Variants in ENOX2 observed in about 807,000 individuals in gnomAD.
ENOX2 encodes ecto-NOX disulfide-thiol exchanger 2.
In ENOX2, 36 loss-of-function variants were observed where a neutral mutation model predicts 45.0. The ratio of observed to expected loss-of-function variants is 0.80; its 90% CI spans 0.61 to 1.06. The LOEUF is 1.06. ENOX2 is among the 50% of genes least tolerant of loss of function. The pLI is 0.00. For missense variants in ENOX2, 423 were observed against 462.5 expected (o/e 0.91, Z 0.78); for synonymous variants, 174 against 152.3 (o/e 1.14, Z -1.05).
intron 9 of ENOX2, among the ~76,000 whole-genome samples, chrX:130,664,457 C>T (rs1018115168): frequency 2.8e-4 from 31 of 112,620 alleles, no homozygotes; most frequent in Non-Finnish European, 4.1e-4. Context: ...AACATTTTTA[C>T]GTTTCAGTTT....
intron 11 of ENOX2, among the ~76,000 whole-genome samples, chrX:130,635,354 T>C (rs1243786987): frequency 2.7e-5 from 3 of 112,174 alleles, no homozygotes; most frequent in African/African-American, 9.7e-5. Flanking sequence ...ACTTCTTCCC[T>C]ATTCTGGCCA....
At chrX:130,658,090 TA>T (rs1171669929) in intron 9 of ENOX2, among the ~76,000 whole-genome samples, 1 of 111,717 alleles carries the variant, frequency 9.0e-6, no homozygotes, top group East Asian at 2.8e-4. Context: ...AAGCATTCTT[TA>T]AAAAAAATCT....
rs1210539219 is a variant in ENOX2, at chrX:130,650,145, G to A, written c.1129+6436C>T. 9.8e-5 allele frequency among the ~76,000 whole-genome samples: 11 copies of A among 112,408 alleles called. No homozygotes were observed. The Admixed American group carries it at 1.0e-3, about 11-fold the overall frequency. ...ACTGCAGGCCAGTAATTATGCTCAT[G>A]TTCTACATGTCACACGGAGATACAT... On this transcript the variant is annotated intron_variant, in intron 10 of 14. Transcript: ENST00000394363.
chrX:130,720,059 C>A (rs983958039), intron 3 of ENOX2, among the ~76,000 whole-genome samples: 8 of 111,873 alleles, frequency 7.2e-5, no homozygotes, highest in African/African-American at 2.6e-4. Flanking sequence ...CAATAAATTA[C>A]CCCTCTACAT....
chrX:130,738,595 G>C (rs2038912309), intron 3 of ENOX2, among the ~76,000 whole-genome samples: 1 of 112,087 alleles, frequency 8.9e-6, no homozygotes, highest in African/African-American at 3.2e-5. Flanking sequence ...TGTAACATTT[G>C]ATGATTCTGT....
intron 2 of ENOX2, among the ~76,000 whole-genome samples, chrX:130,900,268 ACTTT>A (rs1177038279): frequency 6.2e-5 from 7 of 112,924 alleles, no homozygotes; most frequent in African/African-American, 2.3e-4. Context: ...AAACTGGTTC[ACTTT>A]CTATTTTTAT....
chrX:130,755,186 G>A (rs1184285308), intron 3 of ENOX2, among the ~76,000 whole-genome samples: 1 of 110,621 alleles, frequency 9.0e-6, no homozygotes, highest in Non-Finnish European at 1.9e-5. Flanking sequence ...AATCATTGAG[G>A]CATTATGGAA....
chrX:130,774,617 T>G (rs2039810988), intron 3 of ENOX2, among the ~76,000 whole-genome samples: 1 of 112,060 alleles, frequency 8.9e-6, no homozygotes, highest in Admixed American at 9.5e-5. Context: ...TTTGGTGTTG[T>G]GGAAGAGAAG....
intron 3 of ENOX2, among the ~76,000 whole-genome samples, chrX:130,711,385 C>T (rs1373981351): frequency 1.8e-5 from 2 of 111,085 alleles, no homozygotes; most frequent in East Asian, 2.8e-4. Context: ...GCTTGCATCA[C>T]GGTGATGCAG....
chrX:130,897,505 T>C (rs1475800087), intron 2 of ENOX2, among the ~76,000 whole-genome samples: 1 of 112,586 alleles, frequency 8.9e-6, no homozygotes, highest in African/African-American at 3.2e-5. Flanking sequence ...CTTTGATGTA[T>C]TTAGTTTTCC....
chrX:130,786,968 G>A (rs2076980099), intron 2 of ENOX2, among the ~76,000 whole-genome samples: 1 of 85,890 alleles, frequency 1.2e-5, no homozygotes, highest in African/African-American at 4.4e-5. Flanking sequence ...AGATCCCTGA[G>A]GAATCGCCAC....
intron 3 of ENOX2, among the ~76,000 whole-genome samples, chrX:130,736,925 C>T (rs1015516160): frequency 3.6e-5 from 4 of 111,858 alleles, no homozygotes; most frequent in Non-Finnish European, 7.5e-5. Context: ...AATCCTAGCT[C>T]TGCCAAAGAT....
chrX:130,830,337 T>C (rs1209284569), intron 2 of ENOX2, among the ~76,000 whole-genome samples: 1 of 111,570 alleles, frequency 9.0e-6, no homozygotes, highest in African/African-American at 3.3e-5. Flanking sequence ...GCTTTCCCAC[T>C]CTTTAAAGTG....
intron 3 of ENOX2, among the ~76,000 whole-genome samples, chrX:130,767,103 G>C (rs769027663): frequency 4.5e-4 from 50 of 111,574 alleles, no homozygotes; most frequent in African/African-American, 1.6e-3. Flanking sequence ...GTTACTGGGT[G>C]GGGTGAGGTA....
chrX:130,678,263 A>G (rs1474544343), intron 6 of ENOX2, among the ~76,000 whole-genome samples: 1 of 111,209 alleles, frequency 9.0e-6, no homozygotes, highest in Admixed American at 9.6e-5. Flanking sequence ...TCTGGGTTAG[A>G]CTAATATTAC....
At chrX:130,636,742 T>G (rs181246442) in intron 11 of ENOX2, among the ~76,000 whole-genome samples, 1 of 112,845 alleles carries the variant, frequency 8.9e-6, no homozygotes, top group East Asian at 2.8e-4. Context: ...AAGTTGGTAT[T>G]ATGTGCTCAA....
intron 9 of ENOX2, among the ~76,000 whole-genome samples, chrX:130,660,879 T>G (rs2036670840): frequency 8.9e-6 from 1 of 112,319 alleles, no homozygotes; most frequent in Non-Finnish European, 1.9e-5. Context: ...TCTGATCTAA[T>G]GATAACTTTT....
intron 4 of ENOX2, among the ~76,000 whole-genome samples, chrX:130,694,600 CTT>C (rs1176052103): frequency 7.0e-5 from 6 of 86,172 alleles, no homozygotes; most frequent in Non-Finnish European, 1.2e-4. Context: ...CTTTTCTTTT[CTT>C]TTTTTTTTTT....
At chrX:130,709,840 C>T (rs889106837) in intron 3 of ENOX2, among the ~76,000 whole-genome samples, 11 of 107,844 alleles carry the variant, frequency 1.0e-4, no homozygotes, top group African/African-American at 2.0e-4. Flanking sequence ...TAGGTATACA[C>T]GTGCCATGGT....
Sources: allele counts gnomAD v4.1 joint callset (sites outside exome capture counted in the v4.1 genomes callset), GRCh38; gene constraint gnomAD v4.1.1; transcripts MANE v1.5; gene names NCBI Gene and HGNC (gene_info 2026-07-23, HGNC 2026-07-21).